The following PRKN variants were observed in gnomAD, a reference collection of about 807,000 sequenced individuals.
PRKN encodes parkin RBR E3 ubiquitin protein ligase.
In PRKN, 56 loss-of-function variants were observed where a neutral mutation model predicts 59.5. The observed-to-expected ratio is 0.94, with a 90% confidence interval of 0.76 to 1.18. PRKN has a LOEUF of 1.18. Ranked by LOEUF, PRKN falls within the 50% of genes most tolerant of loss-of-function variation. The probability of loss-of-function intolerance (pLI) is 0.00; values close to 1 mark genes in which losing one functional copy is unlikely to be tolerated. For synonymous variants in PRKN, 250 were observed against 222.1 expected (o/e 1.13, Z -1.12); for missense variants, 657 against 596.4 (o/e 1.10, Z -1.06).
intron 2 of PRKN, among the ~76,000 whole-genome samples, chr6:162,398,635 C>T (rs1350676845): frequency 6.6e-6 from 1 of 152,174 alleles, no homozygotes; most frequent in East Asian, 1.9e-4. Flanking sequence ...GGTGATCCAC[C>T]CGCCTCAGCC....
rs1780051046 is a variant in PRKN, at chr6:161,552,318, GT to G, written c.934-3316del. 6.6e-6 allele frequency among the ~76,000 whole-genome samples: 1 copy of G among 150,822 alleles called. No homozygotes were observed. The highest frequency in any genetic ancestry group is 1.5e-5 in the Non-Finnish European group (1 of 67,950). ...CTCCAAGCCCCTCTCCCTCAGCTCT[GT>G]TCACCTCCGCCTATGACTGTGAATG... is the stretch of plus-strand genomic sequence containing the variant. On this transcript the variant is annotated intron_variant, in intron 8 of 11. Coordinates refer to ENST00000366898, the MANE Select transcript of PRKN (RefSeq NM_004562.3). The surrounding 1 kb of genome is among the most constrained non-coding windows in gnomAD (Gnocchi z 4.9).
intron 6 of PRKN, among the ~76,000 whole-genome samples, chr6:161,916,872 C>T (rs2128238141): frequency 6.6e-6 from 1 of 152,254 alleles, no homozygotes; most frequent in African/African-American, 2.4e-5. Context: ...GACCTCGGTT[C>T]ACTGCAAGCT....
chr6:162,097,859 A>G (rs1779806960), intron 4 of PRKN, among the ~76,000 whole-genome samples: 1 of 152,232 alleles, frequency 6.6e-6, no homozygotes, highest in South Asian at 2.1e-4. Flanking sequence ...GAAACCAACG[A>G]AAAGCTTCCA....
intron 9 of PRKN, among the ~76,000 whole-genome samples, chr6:161,450,240 C>G (rs1042969214): frequency 6.6e-6 from 1 of 152,164 alleles, no homozygotes; most frequent in Non-Finnish European, 1.5e-5. Context: ...AGACGCTGAG[C>G]CTTAGGGACC....
intron 3 of PRKN, among the ~76,000 whole-genome samples, chr6:162,220,309 A>G (rs1295239783): frequency 6.6e-6 from 1 of 152,200 alleles, no homozygotes; most frequent in Non-Finnish European, 1.5e-5. Flanking sequence ...GAATTGCAAC[A>G]AAAGCAAAAA....
intron 4 of PRKN, among the ~76,000 whole-genome samples, chr6:162,065,741 C>A (rs1778311617): frequency 6.6e-6 from 1 of 152,112 alleles, no homozygotes; most frequent in African/African-American, 2.4e-5. Flanking sequence ...CCATGGCAGG[C>A]CCCAGTATGT....
intron 7 of PRKN, among the ~76,000 whole-genome samples, chr6:161,602,133 T>TATCTATCTATCTATCC (rs1316299170): frequency 1.3e-5 from 2 of 152,076 alleles, no homozygotes; most frequent in African/African-American, 4.8e-5. Flanking sequence ...TCTATCTATC[T>TATCTATCTATCTATCC]AATTTGCCTA....
chr6:161,854,928 TA>T (rs1159237411), intron 6 of PRKN, among the ~76,000 whole-genome samples: 1 of 151,086 alleles, frequency 6.6e-6, no homozygotes, highest in African/African-American at 2.4e-5. Context: ...ACCAAAAATA[TA>T]AAAATTCGCT....
chr6:161,855,816 T>G (rs1793627071), intron 6 of PRKN, among the ~76,000 whole-genome samples: 1 of 152,234 alleles, frequency 6.6e-6, no homozygotes, highest in African/African-American at 2.4e-5. Context: ...AGGCCAATTT[T>G]ACATAAGGCT....
intron 5 of PRKN, among the ~76,000 whole-genome samples, chr6:162,019,687 T>C (rs940495999): frequency 2.6e-5 from 4 of 152,174 alleles, no homozygotes; most frequent in Non-Finnish European, 4.4e-5. Flanking sequence ...ACAACGAGCC[T>C]TTAATCTGTG....
At chr6:162,604,741 C>T (rs555129525) in intron 1 of PRKN, among the ~76,000 whole-genome samples, 1 of 149,114 alleles carries the variant, frequency 6.7e-6, no homozygotes, top group Non-Finnish European at 1.5e-5. Context: ...TTCATTTTCA[C>T]CTCTGACAGT....
intron 7 of PRKN, among the ~76,000 whole-genome samples, chr6:161,615,573 A>G (rs1468333414): frequency 6.6e-6 from 1 of 152,232 alleles, no homozygotes; most frequent in Non-Finnish European, 1.5e-5. Flanking sequence ...TACAATAGCC[A>G]CAAGCACCGG....
chr6:161,905,892 G>C lies in PRKN; in HGVS notation c.734+67410C>G, dbSNP rs565021586. Among the ~76,000 whole-genome samples the C allele has an allele frequency of 2.0e-5, 3 of 149,016 alleles. No homozygotes were observed. In the East Asian group the frequency reaches 5.9e-4, roughly 29 times the overall value. ...GGAGAATCACTTGAACCCGAGAGGT[G>C]GAGGTTGCAGTAAGCCAAGATCACA... On this transcript the variant is annotated intron_variant, in intron 6 of 11. Transcript: ENST00000366898.
Position 161,604,792 on chromosome 6 carries a change from G to A in PRKN, c.872-35376C>T, listed in dbSNP as rs12174409. ...TCTACCAAAAATACAAAAAAGAGCC[G>A]GGTGAGCTGGCACATACCTGTAATT... On this transcript the variant is annotated intron_variant, in intron 7 of 11. Transcript: ENST00000366898. Among the ~76,000 whole-genome samples, 922 of 152,254 alleles carry A rather than the reference G, an allele frequency of 6.1e-3. 23 individuals carry two copies. In the East Asian group the frequency reaches 0.071, roughly 12 times the overall value.
intron 5 of PRKN, among the ~76,000 whole-genome samples, chr6:162,035,917 C>G (rs1344118915): frequency 1.3e-5 from 2 of 152,016 alleles, no homozygotes; most frequent in Admixed American, 1.3e-4. Flanking sequence ...CTGTATGAAT[C>G]AAATATTTAA....
At chr6:161,418,651 T>C (rs1787959039) in intron 9 of PRKN, among the ~76,000 whole-genome samples, 1 of 152,172 alleles carries the variant, frequency 6.6e-6, no homozygotes, top group Non-Finnish European at 1.5e-5. Context: ...ATAACAAGCA[T>C]GTTTTCTGGA....
At position 161,566,141 on chromosome 6, in the gene PRKN, C is replaced by T. The variant is rs929871365; in HGVS notation, c.933+3214G>A. Among the ~76,000 whole-genome samples the T allele has an allele frequency of 6.6e-6, 1 of 152,216 alleles. No homozygotes were observed. Among genetic ancestry groups the T allele is most frequent in the Non-Finnish European group, 1.5e-5 (1 of 68,042 alleles). On this transcript the variant is annotated intron_variant, in intron 8 of 11. Coordinates refer to ENST00000366898, the MANE Select transcript of PRKN (RefSeq NM_004562.3). This position sits in a 1 kb window ranked among gnomAD's most constrained non-coding sequence, Gnocchi z 4.1. ...CTTTGCTTTCCTCTTCAGCTAAGTT[C>T]CCAGTTGCCAAAATTAAAATGTATG...
intron 7 of PRKN, among the ~76,000 whole-genome samples, chr6:161,678,727 G>C (rs961481258): frequency 6.6e-6 from 1 of 151,858 alleles, no homozygotes; most frequent in African/African-American, 2.4e-5. Flanking sequence ...ACCATGCCTG[G>C]CTAATTTTTT....
At chr6:162,498,194 T>C (rs1296476860) in intron 1 of PRKN, among the ~76,000 whole-genome samples, 2 of 152,066 alleles carry the variant, frequency 1.3e-5, no homozygotes, top group Non-Finnish European at 2.9e-5. Context: ...TGCTACTTAC[T>C]TGACTCTACC....
Sources: allele counts gnomAD v4.1 joint callset (sites outside exome capture counted in the v4.1 genomes callset), GRCh38; gene constraint gnomAD v4.1.1; non-coding constraint Gnocchi (gnomAD v3.1); transcripts MANE v1.5; gene names NCBI Gene and HGNC (gene_info 2026-07-23, HGNC 2026-07-21).